Variants in SLC16A9 observed in about 807,000 individuals in gnomAD.
SLC16A9 encodes solute carrier family 16 member 9.
SLC16A9 carries 26 observed loss-of-function variants against 44.3 expected under a neutral mutation model. The ratio of observed to expected loss-of-function variants is 0.59; its 90% CI spans 0.43 to 0.81. SLC16A9 has a LOEUF of 0.81. SLC16A9 is among the 40% of genes least tolerant of loss of function. The probability of loss-of-function intolerance (pLI) is 0.00; values close to 1 mark genes in which losing one functional copy is unlikely to be tolerated. For synonymous variants in SLC16A9, 230 were observed against 225.1 expected (o/e 1.02, Z -0.19); for missense variants, 559 against 595.8 (o/e 0.94, Z 0.64).
At chr10:59,696,483 G>GC (rs1408090478) in intron 1 of SLC16A9, among the ~76,000 whole-genome samples, 1 of 152,136 alleles carries the variant, frequency 6.6e-6, no homozygotes, top group Non-Finnish European at 1.5e-5. Context: ...GCCTGCCTTG[G>GC]CCCCCCAAAG....
intron 4 of SLC16A9, among the ~76,000 whole-genome samples, chr10:59,659,074 G>C (rs1259730737): frequency 6.6e-6 from 1 of 152,082 alleles, no homozygotes; most frequent in African/African-American, 2.4e-5. Flanking sequence ...ATTTTGATAA[G>C]AACTGTACAT....
chr10:59,695,178 G>A (rs1461187017), intron 1 of SLC16A9, among the ~76,000 whole-genome samples: 1 of 152,032 alleles, frequency 6.6e-6, no homozygotes, highest in Non-Finnish European at 1.5e-5. Flanking sequence ...GAAATGGGGA[G>A]TGACTGCTAA....
intron 2 of SLC16A9, among the ~76,000 whole-genome samples, chr10:59,682,613 T>C (rs1840048124): frequency 6.6e-6 from 1 of 152,206 alleles, no homozygotes; most frequent in Non-Finnish European, 1.5e-5. Flanking sequence ...CCTTTGACCC[T>C]TGCTGGAAGC....
chr10:59,674,556 A>G (rs571353217), intron 2 of SLC16A9, among the ~76,000 whole-genome samples: 150 of 152,322 alleles, frequency 9.8e-4, no homozygotes, highest in Non-Finnish European at 1.8e-3. Flanking sequence ...TTATCATCCA[A>G]TAGTTGGGCT....
intron 2 of SLC16A9, among the ~76,000 whole-genome samples, chr10:59,680,506 T>A (rs1839962891): frequency 6.6e-6 from 1 of 152,244 alleles, no homozygotes; most frequent in South Asian, 2.1e-4. Context: ...TTACTTTTCA[T>A]AATTTACACG....
At position 59,685,395 on chromosome 10, in the gene SLC16A9, C is replaced by T. The variant is rs182232454; in HGVS notation, c.-36-1068G>A. 1.1e-3 allele frequency among the ~76,000 whole-genome samples: 166 copies of T among 152,296 alleles called. 1 individual carries two copies. The highest frequency in any genetic ancestry group is 3.6e-3 in the African/African-American group (149 of 41,570). On this transcript the variant is annotated intron_variant, in intron 1 of 5. Coordinates refer to ENST00000395348, the MANE Select transcript of SLC16A9 (RefSeq NM_194298.3). The stretch of plus-strand genomic sequence containing the variant: ...TAAGCCTTATCTCCTCCACAGGTAA[C>T]CAATGCATCTTGTTTCTTGTATAGC...
chr10:59,665,810 A>G (rs919060664), intron 3 of SLC16A9, among the ~76,000 whole-genome samples: 42 of 152,188 alleles, frequency 2.8e-4, no homozygotes, highest in African/African-American at 9.9e-4. Flanking sequence ...CATTCAAGAC[A>G]TGAAAAAAAG....
At chr10:59,689,180 T>C (rs1474179539) in intron 1 of SLC16A9, among the ~76,000 whole-genome samples, 1 of 152,190 alleles carries the variant, frequency 6.6e-6, no homozygotes, top group Admixed American at 6.5e-5. Context: ...GTAGTGTCAA[T>C]AGAACACAGT....
chr10:59,676,922 CAA>C lies in SLC16A9; in HGVS notation c.197-4011_197-4010del, dbSNP rs35816952. Among the ~76,000 whole-genome samples, 1,019 of 104,804 alleles carry C rather than the reference CAA, an allele frequency of 9.7e-3. 5 individuals carry two copies. Among genetic ancestry groups the C allele is most frequent in the African/African-American group, 0.031 (869 of 27,998 alleles). The allele number at this position is 104,804 out of a possible 152,430, so 68.8% of individuals were successfully genotyped here. On this transcript the variant is annotated intron_variant, in intron 2 of 5. Transcript: ENST00000395348. ...TGGGCAATGAGCAAAACTCTTGTCTCAAAAAAAAAAAAAAAAAAAGTAATAAC... is the reference window on the plus strand; with the variant it reads ...TGGGCAATGAGCAAAACTCTTGTCTCAAAAAAAAAAAAAAAAAGTAATAAC...
chr10:59,707,016 A>G (rs1840653775), intron 1 of SLC16A9, among the ~76,000 whole-genome samples: 2 of 148,786 alleles, frequency 1.3e-5, no homozygotes, highest in South Asian at 2.2e-4. Flanking sequence ...AAAAAAAAAA[A>G]GGGAAGTCAG....
At position 59,672,815 on chromosome 10, in the gene SLC16A9, C is replaced by G; in HGVS notation, c.295G>C (p.Ala99Pro). 1 of 1,613,682 alleles carries G rather than the reference C, an allele frequency of 6.2e-7. No individual in the cohort carries two copies. The highest frequency in any genetic ancestry group is 8.5e-7 in the Non-Finnish European group (1 of 1,179,816). Residue 99 changes from alanine to proline, a missense_variant, in exon 3 of 6, where the codon GCT becomes CCT. Coordinates refer to ENST00000395348, the MANE Select transcript of SLC16A9 (RefSeq NM_194298.3). ...VAGGLMLSSF[A>P]PNIYFLFFSY... Reference sequence around the variant, plus strand: ...AAAAACAGAAAGTAGATATTGGGAGCAAAACTGCTCAACATCAGGCCTCCA... The same window carrying G: ...AAAAACAGAAAGTAGATATTGGGAGGAAAACTGCTCAACATCAGGCCTCCA...
chr10:59,693,928 C>CTTATTTATTTATTTAT (rs369815285), intron 1 of SLC16A9, among the ~76,000 whole-genome samples: 2 of 130,648 alleles, frequency 1.5e-5, no homozygotes, highest in African/African-American at 5.8e-5. Flanking sequence ...TTTAATTTTA[C>CTTATTTATTTATTTAT]TTATTTATTT....
chr10:59,658,729 C>G (rs549119235), intron 4 of SLC16A9, among the ~76,000 whole-genome samples: 1 of 152,330 alleles, frequency 6.6e-6, no homozygotes, highest in Admixed American at 6.5e-5. Flanking sequence ...CTTCTCCCAT[C>G]ACTGCCTTAG....
At chr10:59,672,998 C>CA (rs952528324) in intron 2 of SLC16A9, 85 bp from the exon 3 acceptor site, 1 of 1,350,326 alleles carries the variant, frequency 7.4e-7, no homozygotes, top group African/African-American at 1.5e-5. Context: ...CATAAAACAA[C>CA]AAAAATAAAA....
At chr10:59,681,839 GATGTAT>G (rs5785398) in intron 2 of SLC16A9, among the ~76,000 whole-genome samples, 11,282 of 25,726 alleles carry the variant, frequency 0.44, 4,093 homozygotes, top group South Asian at 0.57. Context: ...ATATGTATAT[GATGTAT>G]ATGTATATGT....
chr10:59,707,273 A>C (rs191004184), intron 1 of SLC16A9, among the ~76,000 whole-genome samples: 2,032 of 88,294 alleles, frequency 0.023, 97 homozygotes, highest in African/African-American at 0.093. Context: ...GGGAGGGGAG[A>C]GGAGGGAAGG....
Position 59,654,444 on chromosome 10 carries a change from A to G in SLC16A9, c.582T>C (p.Ser194=). 6.2e-7 allele frequency: 1 copy of G among 1,613,518 alleles called. No homozygotes were observed. ...CGSLMRPLQS[S]DCPLPKKIAP... The stretch of plus-strand genomic sequence containing the variant: ...CTATTTTTTTAGGCAAAGGACAATC[A>G]GAAGATTGGAGGGGTCTCATCAGAC... Residue 194 remains serine (S), a synonymous_variant, in exon 5 of 6, where the codon TCT becomes TCC. Coordinates refer to ENST00000395348, the MANE Select transcript of SLC16A9 (RefSeq NM_194298.3).
intron 1 of SLC16A9, among the ~76,000 whole-genome samples, chr10:59,696,836 C>A (rs1390950191): frequency 6.6e-6 from 1 of 151,752 alleles, no homozygotes; most frequent in East Asian, 2.0e-4. Context: ...GGCAGCCACA[C>A]CGTCTGAGAA....
At chr10:59,690,109 C>A (rs546076654) in intron 1 of SLC16A9, among the ~76,000 whole-genome samples, 1 of 152,244 alleles carries the variant, frequency 6.6e-6, no homozygotes, top group South Asian at 2.1e-4. Flanking sequence ...ATAGCTTGAG[C>A]TGAGGAGGTG....
Sources: gnomAD v4.1 joint callset for allele counts (sites outside exome capture counted in the v4.1 genomes callset) on GRCh38, gnomAD v4.1.1 for gene constraint, MANE v1.5 for transcripts, NCBI Gene and HGNC (gene_info 2026-07-23, HGNC 2026-07-21) for gene names.